Variants in MYO5A observed in about 807,000 individuals in gnomAD.
MYO5A encodes the protein unconventional myosin-Va.
MYO5A carries 98 observed loss-of-function variants against 249.7 expected under a neutral mutation model. That is an observed-to-expected ratio of 0.39 (90% CI 0.33 to 0.46). The LOEUF (loss-of-function observed/expected upper bound fraction) is 0.46, where lower values mean the gene tolerates loss of function less well. MYO5A is among the 20% of genes least tolerant of loss of function. The probability of loss-of-function intolerance (pLI) is 0.98; values close to 1 mark genes in which losing one functional copy is unlikely to be tolerated. For synonymous variants in MYO5A, 778 were observed against 810.6 expected, an observed-to-expected ratio of 0.96 and a Z score of 0.68; for missense variants, 1,696 against 2,308.8, an observed-to-expected ratio of 0.73 and a Z score of 5.44.
chr15:52,359,685 G>A (rs572995024), intron 25 of MYO5A, among the ~76,000 whole-genome samples: 7 of 151,996 alleles, frequency 4.6e-5, no homozygotes, highest in African/African-American at 1.4e-4. Flanking sequence ...ATCATGTTAG[G>A]GGTAAAGAGA....
intron 4 of MYO5A, among the ~76,000 whole-genome samples, chr15:52,422,370 T>C (rs1018588742): frequency 6.6e-6 from 1 of 152,276 alleles, no homozygotes; most frequent in African/African-American, 2.4e-5. Flanking sequence ...ACCTTAAAGA[T>C]CTAAATTAGA....
In MYO5A at chr15:52,353,906, G is replaced by A. The variant is rs767451086; in HGVS notation, c.3532C>T (p.Arg1178Cys). ...EKQVMQDELDRKEEQVLRSKA... is the reference protein window; with the variant it reads ...EKQVMQDELDCKEEQVLRSKA... ...CTGCGGAGCACCTGCTCCTCCTTGC[G>A]GTCCAGCTCATCCTGCATCACCTGC... is the stretch of plus-strand genomic sequence containing the variant. The change falls in exon 26 of 42, where the codon CGC becomes TGC. Residue 1178 changes from arginine (R) to cysteine (C), a missense_variant. This residue lies in a region of MYO5A where 625 missense variants were observed against 908.1 expected (regional missense o/e 0.69). Transcript: ENST00000399233. The A allele has an allele frequency of 6.8e-6, 11 of 1,614,126 alleles. No homozygotes were observed. The highest frequency in any genetic ancestry group is 2.2e-5 in the East Asian group (1 of 44,870).
At chr15:52,528,468 G>T (rs1240459715) in intron 1 of MYO5A, among the ~76,000 whole-genome samples, 1 of 152,158 alleles carries the variant, frequency 6.6e-6, no homozygotes, top group Non-Finnish European at 1.5e-5. Flanking sequence ...GGGGAGGCAC[G>T]CCCGCCCTGC....
chr15:52,353,969 T>G lies in MYO5A; in HGVS notation c.3469A>C (p.Lys1157Gln). Reference protein sequence around the residue: ...KVPLDMSLFLKLQKRVTELEQ... With the variant: ...KVPLDMSLFLQLQKRVTELEQ... ...AGCTCTGTGACCCGCTTCTGGAGCT[T>G]AAGGAACAATGACATGTCCAGAGGT... The change falls in exon 26 of 42, where the codon AAG becomes CAG. Residue 1157 changes from lysine (K) to glutamine (Q), a missense_variant. Lys to Gln is a moderately conservative substitution (Grantham distance 53). This residue lies in a region of MYO5A where 625 missense variants were observed against 908.1 expected (regional missense o/e 0.69). Coordinates refer to ENST00000399233, the MANE Select transcript of MYO5A (RefSeq NM_001382347.1). The G allele has an allele frequency of 6.2e-7, 1 of 1,614,238 alleles. No homozygotes were observed. The highest frequency in any genetic ancestry group is 8.5e-7 in the Non-Finnish European group (1 of 1,180,050).
intron 1 of MYO5A, among the ~76,000 whole-genome samples, chr15:52,437,588 C>A (rs1412377818): frequency 8.2e-6 from 1 of 122,244 alleles, no homozygotes; most frequent in Non-Finnish European, 1.6e-5. Flanking sequence ...GAGCAAGACT[C>A]CATCTCAAAA....
At chr15:52,383,579 T>C (rs1459548543) in intron 15 of MYO5A, among the ~76,000 whole-genome samples, 2 of 152,132 alleles carry the variant, frequency 1.3e-5, no homozygotes, top group East Asian at 1.9e-4. Flanking sequence ...TAAAAGAGTA[T>C]AGGTAATGAA....
rs1158192705 is a variant in MYO5A at position 52,312,368 on chromosome 15, T to TC, written c.*1327dup. The stretch of plus-strand genomic sequence containing the variant: ...ATCCTCTCTAGATAGTGAGTGAGAT[T>TC]CTTTTTTTTTCCAAGGCAGTGTCTC... On this transcript the variant is annotated 3_prime_UTR_variant, in exon 42 of 42. Transcript: ENST00000399233. 2 of 152,070 alleles carry TC rather than the reference T, an allele frequency of 1.3e-5. No individual in the cohort carries two copies. Among genetic ancestry groups the TC allele is most frequent in the Non-Finnish European group, 2.9e-5 (2 of 68,018 alleles). 9.4% of individuals were successfully genotyped at this position (152,070 alleles called of 1,614,324 possible).
chr15:52,478,648 T>C (rs1456644014), intron 1 of MYO5A, among the ~76,000 whole-genome samples: 1 of 152,250 alleles, frequency 6.6e-6, no homozygotes, highest in Non-Finnish European at 1.5e-5. Flanking sequence ...TTAAGATCCT[T>C]CATCTGCCTT....
chr15:52,401,222 A>G (rs768302282), intron 9 of MYO5A, among the ~76,000 whole-genome samples: 19 of 151,928 alleles, frequency 1.3e-4, no homozygotes, highest in Admixed American at 3.3e-4. Flanking sequence ...AGGCATACGC[A>G]TGATGTCCAG....
At chr15:52,427,216 T>C (rs2075415141) in intron 3 of MYO5A, among the ~76,000 whole-genome samples, 1 of 152,226 alleles carries the variant, frequency 6.6e-6, no homozygotes, top group Admixed American at 6.5e-5. Context: ...GTCCATTCAA[T>C]AAATGTTTAT....
intron 14 of MYO5A, among the ~76,000 whole-genome samples, chr15:52,385,007 T>C (rs1465423947): frequency 6.6e-6 from 1 of 152,222 alleles, no homozygotes; most frequent in Non-Finnish European, 1.5e-5. Context: ...ATTCCTGTAA[T>C]CAATTTTGTG....
chr15:52,470,980 G>A (rs1254076796), intron 1 of MYO5A, among the ~76,000 whole-genome samples: 2 of 145,756 alleles, frequency 1.4e-5, no homozygotes, highest in East Asian at 2.0e-4. Flanking sequence ...CCGAGATCAC[G>A]CCACTGCATT....
intron 25 of MYO5A, among the ~76,000 whole-genome samples, chr15:52,356,641 CT>C (rs1387461057): frequency 6.6e-6 from 1 of 151,146 alleles, no homozygotes; most frequent in African/African-American, 2.4e-5. Context: ...ACATTAACTT[CT>C]TAAAAGTCCA....
At chr15:52,436,885 G>A (rs1420111634) in intron 1 of MYO5A, among the ~76,000 whole-genome samples, 1 of 152,134 alleles carries the variant, frequency 6.6e-6, no homozygotes, top group African/African-American at 2.4e-5. Flanking sequence ...TAGACTATGG[G>A]TTCTACTCCC....
chr15:52,337,856 G>C lies in MYO5A; in HGVS notation c.4268C>G (p.Pro1423Arg). The change falls in exon 33 of 42, where the codon CCT (proline) becomes CGT (arginine). Residue 1423 changes from proline (P) to arginine (R), a missense_variant. Pro to Arg is a moderately radical substitution (Grantham distance 103, BLOSUM62 -2). Around this residue, in one of 5 missense-constraint regions of MYO5A, gnomAD observed 625 missense variants for 908.1 expected, o/e 0.69. Coordinates refer to ENST00000399233, the MANE Select transcript of MYO5A (RefSeq NM_001382347.1). ...LYFEELYADDPKKYQSYRISL... is the reference protein window; with the variant it reads ...LYFEELYADDRKKYQSYRISL... ...AATCCGATATGATTGATACTTCTTA[G>C]GGTCATCTGCATATAATTCCTCAAA... 1 of 1,545,576 alleles carries C rather than the reference G, an allele frequency of 6.5e-7. No individual in the cohort carries two copies. Among genetic ancestry groups the C allele is most frequent in the Non-Finnish European group, 8.7e-7 (1 of 1,143,546 alleles).
chr15:52,491,547 A>G (rs1336810279), intron 1 of MYO5A, among the ~76,000 whole-genome samples: 2 of 152,246 alleles, frequency 1.3e-5, no homozygotes, highest in Admixed American at 1.3e-4. Flanking sequence ...CTGAAAAGCA[A>G]GTAATGAACA....
At chr15:52,384,833 CAGGAA>C (rs1454111832) in intron 14 of MYO5A, among the ~76,000 whole-genome samples, 1 of 152,078 alleles carries the variant, frequency 6.6e-6, no homozygotes, top group Non-Finnish European at 1.5e-5. Context: ...AAAATCTCAG[CAGGAA>C]AGGGTCATAA....
chr15:52,349,293 G>T (rs2039822044), intron 28 of MYO5A, among the ~76,000 whole-genome samples: 1 of 152,298 alleles, frequency 6.6e-6, no homozygotes, highest in African/African-American at 2.4e-5. Flanking sequence ...CTCACAGGGT[G>T]TTGCTCACCA....
intron 3 of MYO5A, among the ~76,000 whole-genome samples, chr15:52,427,705 C>T (rs1305839555): frequency 6.6e-6 from 1 of 151,894 alleles, no homozygotes; most frequent in Non-Finnish European, 1.5e-5. Flanking sequence ...AATGGAAATC[C>T]AGATTTGAGC....
Sources: gnomAD v4.1 joint callset for allele counts (sites outside exome capture counted in the v4.1 genomes callset) on GRCh38, gnomAD v4.1.1 for gene constraint, gnomAD v4.1.1 regional missense constraint, MANE v1.5 for transcripts, NCBI Gene and HGNC (gene_info 2026-07-23, HGNC 2026-07-21) for gene names.